The following GRHL2 variants were observed in gnomAD, a reference collection of about 807,000 sequenced individuals.
GRHL2 encodes the protein grainyhead-like protein 2 homolog.
A neutral mutation model predicts 83.8 loss-of-function variants in GRHL2; 21 were observed. That is an observed-to-expected ratio of 0.25 (90% CI 0.18 to 0.36). The LOEUF (loss-of-function observed/expected upper bound fraction) is 0.36. Among genes scored for constraint, GRHL2 ranks in the 10% least tolerant of loss-of-function variants. GRHL2 has a pLI of 1.00. For synonymous variants in GRHL2, 280 were observed against 278.9 expected (o/e 1.00, Z -0.04); for missense variants, 623 against 781.8 (o/e 0.80, Z 2.42).
At chr8:101,506,186 A>C (rs1810337495) in intron 1 of GRHL2, among the ~76,000 whole-genome samples, 1 of 152,220 alleles carries the variant, frequency 6.6e-6, no homozygotes, top group Non-Finnish European at 1.5e-5. Flanking sequence ...GCCCAGGCTG[A>C]CTTTTATTGC....
intron 7 of GRHL2, among the ~76,000 whole-genome samples, chr8:101,598,241 A>AT (rs5893574): frequency 0.94 from 129,559 of 137,202 alleles, 61,454 homozygotes; most frequent in Non-Finnish European, 0.97. Context: ...GTCCAAAAAG[A>AT]TTTTTTTTTT....
intron 8 of GRHL2, among the ~76,000 whole-genome samples, chr8:101,611,821 G>A (rs992879557): frequency 6.6e-6 from 1 of 150,878 alleles, no homozygotes; most frequent in South Asian, 2.1e-4. Context: ...TGCCTTTCAG[G>A]TTCTTTCTTC....
chr8:101,576,998 TGC>T (rs1257009064), intron 6 of GRHL2, among the ~76,000 whole-genome samples: 1 of 152,160 alleles, frequency 6.6e-6, no homozygotes, highest in Non-Finnish European at 1.5e-5. Flanking sequence ...AACAGATGTT[TGC>T]TTCTTTACAA....
At chr8:101,680,179 C>T in the GRHL2 span, among the ~76,000 whole-genome samples, 7,181 of 94,526 alleles carry the variant, frequency 0.076, 20 homozygotes, top group African/African-American at 0.11. Context: ...TTCAGGAAAC[C>T]CATCTCACGT....
rs3735712 is a variant in GRHL2, at chr8:101,636,689, A to C, written c.1486-208A>C. On this transcript the variant is annotated intron_variant, in intron 11 of 15. Transcript: ENST00000646743. ...AAATCTAGGAATTAACCCCATGGAG[A>C]TTATAAGGAACTTAAATATGCATTT... is the stretch of plus-strand genomic sequence containing the variant. 0.47 allele frequency: 274,131 copies of C among 581,666 alleles called. 70,730 individuals are homozygous for C. Among genetic ancestry groups the C allele is most frequent in the Non-Finnish European group, 0.55 (177,102 of 323,754 alleles). 36.0% of individuals were successfully genotyped at this position (581,666 alleles called of 1,614,324 possible).
intron 7 of GRHL2, among the ~76,000 whole-genome samples, chr8:101,595,192 A>G (rs1812367232): frequency 6.6e-6 from 1 of 152,212 alleles, no homozygotes; most frequent in Non-Finnish European, 1.5e-5. Context: ...ACATTTGTTG[A>G]TTAAGTGAAG....
At chr8:101,552,563 C>G (rs1811406090) in intron 2 of GRHL2, 152 bp from the exon 3 acceptor site, 1 of 712,398 alleles carries the variant, frequency 1.4e-6, no homozygotes, top group Non-Finnish European at 2.6e-6. Flanking sequence ...ACTCAGGCTA[C>G]TAGCCTTTAT....
chr8:101,637,072 G>C, intron 12 of GRHL2, 144 bp downstream of exon 12: 4 of 801,466 alleles, frequency 5.0e-6, no homozygotes, highest in Non-Finnish European at 8.9e-6. Context: ...CTTGATTCTG[G>C]GGACCATCTG....
intron 14 of GRHL2, among the ~76,000 whole-genome samples, chr8:101,652,315 TGTGC>T (rs1290946489): frequency 2.1e-5 from 3 of 141,140 alleles, no homozygotes; most frequent in African/African-American, 8.4e-5. Flanking sequence ...TGGTAGTGTG[TGTGC>T]GTGTGTGTGT....
intron 1 of GRHL2, among the ~76,000 whole-genome samples, chr8:101,510,934 A>G (rs1810450785): frequency 6.6e-6 from 1 of 152,060 alleles, no homozygotes; most frequent in African/African-American, 2.4e-5. Flanking sequence ...CCCCGTCTCT[A>G]CTAAAAATAC....
At chr8:101,595,568 G>A (rs1812375150) in intron 7 of GRHL2, among the ~76,000 whole-genome samples, 1 of 152,214 alleles carries the variant, frequency 6.6e-6, no homozygotes, top group South Asian at 2.1e-4. Context: ...AAATTCAACA[G>A]TCTTCTTTTC....
chr8:101,494,732 G>C (rs115841920), intron 1 of GRHL2, among the ~76,000 whole-genome samples: 1 of 152,196 alleles, frequency 6.6e-6, no homozygotes, highest in Non-Finnish European at 1.5e-5. Context: ...ATTTTCACCA[G>C]TTATACTTAG....
intron 7 of GRHL2, among the ~76,000 whole-genome samples, chr8:101,598,610 T>TC (rs71276988): frequency 6.9e-6 from 1 of 144,286 alleles, no homozygotes; most frequent in Non-Finnish European, 1.5e-5. Context: ...TTTTTTTTTT[T>TC]ACTAAAGTAC....
intron 8 of GRHL2, among the ~76,000 whole-genome samples, chr8:101,601,159 AACAC>A (rs5893575): frequency 0.43 from 59,079 of 136,520 alleles, 14,217 homozygotes; most frequent in Non-Finnish European, 0.55. Flanking sequence ...GACTGTCTTA[AACAC>A]ACACACACAC....
rs573798528 is a variant in GRHL2, at chr8:101,668,092, G to A, written c.*1389G>A. Reference sequence around the variant, plus strand: ...CAGCCTCAGGAGGGAAACTGGGAGAGAGAAGCTGTGGTCTCCTGCTACATG... The same window carrying A: ...CAGCCTCAGGAGGGAAACTGGGAGAAAGAAGCTGTGGTCTCCTGCTACATG... On this transcript the variant is annotated 3_prime_UTR_variant, in exon 16 of 16. Transcript: ENST00000646743. The A allele has an allele frequency of 6.6e-6, 1 of 152,610 alleles. No homozygotes were observed. The highest frequency in any genetic ancestry group is 1.9e-4 in the East Asian group (1 of 5,186). The allele number at this position is 152,610 out of a possible 1,614,324, so 9.5% of individuals were successfully genotyped here. A position where few individuals can be genotyped will look rare whatever the true frequency, so the allele number is the denominator to read the frequency against.
chr8:101,676,368 AAAAC>A, the GRHL2 span, among the ~76,000 whole-genome samples: 11 of 150,878 alleles, frequency 7.3e-5, no homozygotes, highest in South Asian at 4.2e-4. Context: ...TTACAAGAAA[AAAAC>A]AAACAACCCC....
chr8:101,632,394 C>A (rs1336609898), intron 11 of GRHL2, 29 bp downstream of exon 11: 1 of 1,613,408 alleles, frequency 6.2e-7, no homozygotes, highest in Non-Finnish European at 8.5e-7. Context: ...CGCCCACCTC[C>A]CATCCATCCA....
chr8:101,577,639 C>A, intron 7 of GRHL2, 120 bp downstream of exon 7: 1 of 732,124 alleles, frequency 1.4e-6, no homozygotes, highest in East Asian at 2.6e-5. Context: ...ATGTGCCCGG[C>A]ACTAGTCTAT....
intron 1 of GRHL2, among the ~76,000 whole-genome samples, chr8:101,534,554 G>T (rs1811003387): frequency 6.6e-6 from 1 of 152,028 alleles, no homozygotes; most frequent in African/African-American, 2.4e-5. Context: ...TCCAGTGTGG[G>T]AGAGGACTCA....
Sources: gnomAD v4.1 joint callset for allele counts (sites outside exome capture counted in the v4.1 genomes callset) on GRCh38, gnomAD v4.1.1 for gene constraint, MANE v1.5 for transcripts, NCBI Gene and HGNC (gene_info 2026-07-23, HGNC 2026-07-21) for gene names.